Variants in FANK1 observed in about 807,000 individuals in gnomAD.
FANK1 encodes fibronectin type 3 and ankyrin repeat domains protein 1.
In FANK1, 44 loss-of-function variants were observed where a neutral mutation model predicts 45.3. The ratio of observed to expected loss-of-function variants is 0.97; its 90% CI spans 0.76 to 1.25. The LOEUF (loss-of-function observed/expected upper bound fraction) is 1.25. Ranked by LOEUF, FANK1 falls within the 50% of genes most tolerant of loss-of-function variation. FANK1 has a pLI of 0.00. For synonymous variants in FANK1, 149 were observed against 152.5 expected (o/e 0.98, Z 0.17); for missense variants, 391 against 424.4 (o/e 0.92, Z 0.69).
intron 1 of FANK1, among the ~76,000 whole-genome samples, chr10:125,958,812 C>T (rs1949737843): frequency 6.6e-6 from 1 of 152,038 alleles, no homozygotes; most frequent in Non-Finnish European, 1.5e-5. Flanking sequence ...GATCATTTGC[C>T]TATATTTAAG....
chr10:125,975,801 G>C (rs1243636261), intron 1 of FANK1, among the ~76,000 whole-genome samples: 1 of 152,160 alleles, frequency 6.6e-6, no homozygotes, highest in African/African-American at 2.4e-5. Context: ...GATATGTGTG[G>C]ATTTGATCCT....
Position 126,009,469 on chromosome 10 carries a change from T to C in FANK1, c.*31T>C. The C allele has an allele frequency of 6.2e-7, 1 of 1,608,962 alleles. No homozygotes were observed. The highest frequency in any genetic ancestry group is 2.2e-5 in the East Asian group (1 of 44,846). On this transcript the variant is annotated 3_prime_UTR_variant, in exon 11 of 11. Coordinates refer to ENST00000368693, the MANE Select transcript of FANK1 (RefSeq NM_145235.5). ...GCACCACTCATCTGCGAAACGCACG[T>C]AAAACAAAGTGAACCGTGACTGTTA...
At chr10:125,962,667 A>G (rs929511764) in intron 1 of FANK1, among the ~76,000 whole-genome samples, 4 of 152,060 alleles carry the variant, frequency 2.6e-5, no homozygotes, top group African/African-American at 7.2e-5. Context: ...AAATATTACA[A>G]TGCTCATGTT....
intron 1 of FANK1, among the ~76,000 whole-genome samples, chr10:125,939,013 A>G (rs923429683): frequency 6.6e-6 from 1 of 152,170 alleles, no homozygotes; most frequent in African/African-American, 2.4e-5. Context: ...CACCAACATC[A>G]CATGCCACCT....
At chr10:125,945,012 G>T (rs1035748057) in intron 1 of FANK1, among the ~76,000 whole-genome samples, 25 of 152,106 alleles carry the variant, frequency 1.6e-4, no homozygotes, top group African/African-American at 6.0e-4. Context: ...ACCTTCCACT[G>T]TTCTTCTTAG....
intron 2 of FANK1, among the ~76,000 whole-genome samples, chr10:125,984,527 G>A (rs1420189713): frequency 1.3e-5 from 2 of 152,162 alleles, no homozygotes; most frequent in Non-Finnish European, 2.9e-5. Flanking sequence ...AAGACTGTGG[G>A]TGGAGTAGAT....
intron 1 of FANK1, among the ~76,000 whole-genome samples, chr10:125,932,659 A>G (rs962083086): frequency 1.3e-5 from 2 of 152,178 alleles, no homozygotes; most frequent in African/African-American, 4.8e-5. Context: ...TATCATCAGC[A>G]AACGATAACA....
At position 126,009,248 on chromosome 10, in the gene FANK1, C is replaced by T. The variant is rs1176561792; in HGVS notation, c.954C>T (p.Ala318=). ...TCGGCAAAGGTGTCCTAGAAATGGC[C>T]AGAGTTTTTGACAGACAGGTTGGGA... is the stretch of plus-strand genomic sequence containing the variant. ...NEFGKGVLEM[A]RVFDRQSVVS... Residue 318 remains alanine, a synonymous_variant, in exon 10 of 11, where the codon GCC becomes GCT. Coordinates refer to ENST00000368693, the MANE Select transcript of FANK1 (RefSeq NM_145235.5). 2.5e-6 allele frequency: 4 copies of T among 1,613,970 alleles called. No homozygotes were observed. In the African/African-American group the frequency reaches 5.3e-5, roughly 22 times the overall value.
intron 1 of FANK1, among the ~76,000 whole-genome samples, chr10:125,948,063 C>T (rs1234765895): frequency 6.7e-6 from 1 of 148,386 alleles, no homozygotes; most frequent in Non-Finnish European, 1.5e-5. Context: ...TCTTTGAAAC[C>T]AACGAGAACA....
intron 1 of FANK1, among the ~76,000 whole-genome samples, chr10:125,912,271 G>A (rs1946075758): frequency 6.6e-6 from 1 of 152,134 alleles, no homozygotes; most frequent in African/African-American, 2.4e-5. Context: ...CCATATTGAA[G>A]GACTAACAGA....
intron 1 of FANK1, among the ~76,000 whole-genome samples, chr10:125,905,130 C>CAAAAAAAAAAAAAAAAAAAAAAAAA (rs11289535): frequency 1.5e-5 from 1 of 68,134 alleles, no homozygotes; most frequent in Non-Finnish European, 2.6e-5. Context: ...GACTCTGTCC[C>CAAAAAAAAAAAAAAAAAAAAAAAAA]AAAAAAAAAA....
At chr10:125,934,247 G>GTGAC (rs1412713809) in intron 1 of FANK1, among the ~76,000 whole-genome samples, 2 of 152,164 alleles carry the variant, frequency 1.3e-5, no homozygotes, top group African/African-American at 4.8e-5. Flanking sequence ...CTTTACTAAA[G>GTGAC]TGACCCTTCT....
chr10:125,988,417 C>G, intron 2 of FANK1, 134 bp from the exon 3 acceptor site: 1 of 1,246,910 alleles, frequency 8.0e-7, no homozygotes, highest in Non-Finnish European at 1.1e-6. Flanking sequence ...TCTCGGAGTT[C>G]AGCAAAGCAG....
At chr10:126,001,920 T>C (rs533223022) in intron 6 of FANK1, among the ~76,000 whole-genome samples, 3 of 152,210 alleles carry the variant, frequency 2.0e-5, no homozygotes, top group African/African-American at 4.8e-5. Flanking sequence ...CTTAAGAGTT[T>C]GTTCTCTGTG....
chr10:125,922,514 A>G (rs1947013637), intron 1 of FANK1, among the ~76,000 whole-genome samples: 2 of 152,210 alleles, frequency 1.3e-5, no homozygotes, highest in African/African-American at 4.8e-5. Context: ...GGTGGTCAGT[A>G]CATCTTTCTG....
At chr10:125,957,329 T>C (rs974945965) in intron 1 of FANK1, among the ~76,000 whole-genome samples, 3 of 152,122 alleles carry the variant, frequency 2.0e-5, no homozygotes, top group African/African-American at 7.2e-5. Flanking sequence ...GTTATTTTTG[T>C]TGTAGGCAGA....
At chr10:125,899,637 T>C (rs1217680632) in intron 1 of FANK1, among the ~76,000 whole-genome samples, 1 of 152,236 alleles carries the variant, frequency 6.6e-6, no homozygotes, top group Admixed American at 6.5e-5. Context: ...GAGATTTGTA[T>C]CCAACCAGAT....
intron 3 of FANK1, among the ~76,000 whole-genome samples, chr10:125,992,033 A>C (rs1250731038): frequency 6.6e-6 from 1 of 152,154 alleles, no homozygotes; most frequent in Non-Finnish European, 1.5e-5. Context: ...TGATAATTGT[A>C]ATTGCAACAC....
At chr10:125,906,112 A>C (rs956491218) in intron 1 of FANK1, among the ~76,000 whole-genome samples, 1 of 152,302 alleles carries the variant, frequency 6.6e-6, no homozygotes, top group African/African-American at 2.4e-5. Flanking sequence ...GTTCAACAGA[A>C]TAGCAGCAAC....
Sources: allele counts gnomAD v4.1 joint callset (sites outside exome capture counted in the v4.1 genomes callset), GRCh38; gene constraint gnomAD v4.1.1; transcripts MANE v1.5; gene names NCBI Gene and HGNC (gene_info 2026-07-23, HGNC 2026-07-21).